Variants in EYA1 observed in about 807,000 individuals in gnomAD.
EYA1 encodes protein phosphatase EYA1.
In EYA1, 16 loss-of-function variants were observed where a neutral mutation model predicts 82.0. That is an observed-to-expected ratio of 0.20 (90% confidence interval 0.13 to 0.30). The LOEUF (loss-of-function observed/expected upper bound fraction) is 0.30. EYA1 is among the 10% of genes least tolerant of loss of function. The probability of loss-of-function intolerance (pLI) is 1.00; values close to 1 mark genes in which losing one functional copy is unlikely to be tolerated. For missense variants in EYA1, 633 were observed against 730.7 expected (o/e 0.87, Z 1.54); for synonymous variants, 261 against 264.4 (o/e 0.99, Z 0.12).
At chr8:71,360,964 A>C (rs540586003) in intron 1 of EYA1, among the ~76,000 whole-genome samples, 1 of 152,348 alleles carries the variant, frequency 6.6e-6, no homozygotes, top group East Asian at 1.9e-4. Context: ...AATATTTTAA[A>C]TGGTAATTCA....
chr8:71,341,762 C>G (rs1451128726), intron 3 of EYA1, among the ~76,000 whole-genome samples: 1 of 152,136 alleles, frequency 6.6e-6, no homozygotes, highest in Admixed American at 6.6e-5. Flanking sequence ...AAAACATTAG[C>G]TCTTCAATGG....
intron 11 of EYA1, among the ~76,000 whole-genome samples, chr8:71,257,321 ATAT>A (rs1423765144): frequency 1.3e-5 from 2 of 152,182 alleles, no homozygotes; most frequent in Non-Finnish European, 1.5e-5. Context: ...TTCATTATAC[ATAT>A]TATTCTATCT....
chr8:71,324,171 TTTTCTTTTTTC>T (rs1292578900), intron 4 of EYA1, among the ~76,000 whole-genome samples: 1 of 152,224 alleles, frequency 6.6e-6, no homozygotes, highest in Non-Finnish European at 1.5e-5. Context: ...CCAACAATTT[TTTTCTTTTTTC>T]TTTCTTTTTA....
At chr8:71,274,697 G>T (rs1298433098) in intron 9 of EYA1, among the ~76,000 whole-genome samples, 1 of 152,204 alleles carries the variant, frequency 6.6e-6, no homozygotes, top group Non-Finnish European at 1.5e-5. Context: ...AATGTGGAAA[G>T]GTCACAACAC....
intron 2 of EYA1, among the ~76,000 whole-genome samples, chr8:71,405,123 A>G (rs34934668): frequency 0.26 from 38,863 of 151,922 alleles, 5,089 homozygotes; most frequent in Middle Eastern, 0.34. Flanking sequence ...ATCATATTAC[A>G]CGTTCCAGAA....
chr8:71,219,361 G>T (rs990352176), intron 12 of EYA1, among the ~76,000 whole-genome samples: 1 of 151,996 alleles, frequency 6.6e-6, no homozygotes, highest in Non-Finnish European at 1.5e-5. Context: ...TCTGTAGAAT[G>T]ATTTTAATTA....
intron 3 of EYA1, among the ~76,000 whole-genome samples, chr8:71,342,992 G>T (rs1370888734): frequency 1.3e-5 from 2 of 152,138 alleles, no homozygotes; most frequent in Non-Finnish European, 2.9e-5. Context: ...CATATACACA[G>T]AGCAGGATGG....
intron 2 of EYA1, among the ~76,000 whole-genome samples, chr8:71,456,049 T>A (rs1156812084): frequency 6.6e-6 from 1 of 152,186 alleles, no homozygotes; most frequent in Non-Finnish European, 1.5e-5. Flanking sequence ...GATAAGCAAC[T>A]TCAGCAAAGT....
At chr8:71,468,296 C>T (rs1034366958) in intron 2 of EYA1, among the ~76,000 whole-genome samples, 4 of 152,122 alleles carry the variant, frequency 2.6e-5, no homozygotes, top group African/African-American at 9.7e-5. Context: ...TCACTACTCT[C>T]TCTCATCTGG....
chr8:71,289,712 G>T (rs1270372755), intron 9 of EYA1, among the ~76,000 whole-genome samples: 1 of 152,170 alleles, frequency 6.6e-6, no homozygotes, highest in Non-Finnish European at 1.5e-5. Flanking sequence ...TCATGGAGCT[G>T]GGTGGGAATT....
chr8:71,523,322 G>A (rs981240326), intron 2 of EYA1, among the ~76,000 whole-genome samples: 19 of 151,960 alleles, frequency 1.3e-4, no homozygotes, highest in African/African-American at 4.6e-4. Context: ...GGGACTACAG[G>A]CACCCGCCAC....
chr8:71,295,834 G>A (rs1046455541), intron 9 of EYA1, among the ~76,000 whole-genome samples: 56 of 152,164 alleles, frequency 3.7e-4, no homozygotes, highest in East Asian at 3.9e-4. Context: ...TTCAATTGGC[G>A]GTGAGGGGTG....
intron 2 of EYA1, among the ~76,000 whole-genome samples, chr8:71,482,465 T>C (rs1342858346): frequency 1.3e-5 from 2 of 152,212 alleles, no homozygotes; most frequent in Non-Finnish European, 2.9e-5. Flanking sequence ...TCAACCACAT[T>C]GAAAAGCTGT....
At chr8:71,433,834 C>T (rs989433464) in intron 2 of EYA1, among the ~76,000 whole-genome samples, 2 of 152,172 alleles carry the variant, frequency 1.3e-5, no homozygotes, top group Admixed American at 6.5e-5. Context: ...TGAGAAGCCA[C>T]GGAGGATTCT....
chr8:71,275,155 A>C (rs576693659), intron 9 of EYA1, among the ~76,000 whole-genome samples: 1 of 152,256 alleles, frequency 6.6e-6, no homozygotes, highest in East Asian at 1.9e-4. Flanking sequence ...GGCCAGGAGG[A>C]TAATTCAGTG....
At chr8:71,426,177 GA>G (rs1586694817) in intron 2 of EYA1, among the ~76,000 whole-genome samples, 1 of 152,286 alleles carries the variant, frequency 6.6e-6, no homozygotes, top group East Asian at 1.9e-4. Context: ...ATCACAGGAT[GA>G]AAAACACAGC....
intron 2 of EYA1, among the ~76,000 whole-genome samples, chr8:71,440,592 G>C (rs1806356053): frequency 6.6e-6 from 1 of 152,132 alleles, no homozygotes; most frequent in East Asian, 1.9e-4. Context: ...TAGAAGTGCT[G>C]AGTTCAGGTT....
chr8:71,527,774 A>T (rs1563706208), intron 2 of EYA1, among the ~76,000 whole-genome samples: 1 of 152,194 alleles, frequency 6.6e-6, no homozygotes, highest in Non-Finnish European at 1.5e-5. Context: ...ACTCTGTTCC[A>T]TATGTCTATG....
chr8:71,237,800 TGTGTATATTCCTCA>T (rs1812023687), intron 12 of EYA1, among the ~76,000 whole-genome samples: 1 of 152,172 alleles, frequency 6.6e-6, no homozygotes, highest in Admixed American at 6.5e-5. Context: ...CAACAATATG[TGTGTATATTCCTCA>T]AATATTAGTT....
Sources: gnomAD v4.1 joint callset for allele counts (sites outside exome capture counted in the v4.1 genomes callset) on GRCh38, gnomAD v4.1.1 for gene constraint, MANE v1.5 for transcripts, NCBI Gene and HGNC (gene_info 2026-07-23, HGNC 2026-07-21) for gene names.